TMIGD1: variants seen among roughly 807,000 people sequenced by gnomAD.
TMIGD1 encodes the protein transmembrane and immunoglobulin domain-containing protein 1.
TMIGD1 carries 29 observed loss-of-function variants against 27.5 expected under a neutral mutation model. The observed-to-expected ratio is 1.05, with a 90% CI of 0.78 to 1.44. TMIGD1 has a LOEUF of 1.44. Ranked by LOEUF, TMIGD1 falls within the 40% of genes most tolerant of loss-of-function variation. The pLI is 0.00. For synonymous variants in TMIGD1, 109 were observed against 110.3 expected (o/e 0.99, Z 0.07); for missense variants, 334 against 310.6 (o/e 1.08, Z -0.57).
At chr17:30,325,245 C>T in intron 3 of TMIGD1, 151 bp from the exon 4 acceptor site, 2 of 746,926 alleles carry the variant, frequency 2.7e-6, no homozygotes, top group Non-Finnish European at 2.1e-6. Context: ...ACTGGGGTAA[C>T]AAGGGCAAAT....
chr17:30,320,163 G>A (rs567776964), intron 4 of TMIGD1, among the ~76,000 whole-genome samples: 5 of 151,624 alleles, frequency 3.3e-5, no homozygotes, highest in South Asian at 2.1e-4. Flanking sequence ...TCAGCCTCCC[G>A]AGTAGCTGCA....
At chr17:30,319,037 A>C in intron 4 of TMIGD1, 124 bp from the exon 5 acceptor site, 1 of 705,946 alleles carries the variant, frequency 1.4e-6, no homozygotes, top group Non-Finnish European at 2.5e-6. Context: ...ACAATCTCAA[A>C]AAGTAGGTAT....
intron 4 of TMIGD1, among the ~76,000 whole-genome samples, chr17:30,321,438 G>C (rs1909618317): frequency 6.6e-6 from 1 of 152,194 alleles, no homozygotes; most frequent in African/African-American, 2.4e-5. Flanking sequence ...AACATTTTAG[G>C]CATTTAAAGG....
intron 2 of TMIGD1, among the ~76,000 whole-genome samples, chr17:30,331,616 G>A (rs1909980216): frequency 7.5e-6 from 1 of 134,190 alleles, no homozygotes; most frequent in South Asian, 2.3e-4. Flanking sequence ...ACGGAGTCTC[G>A]CCCTGTCGCC....
chr17:30,319,255 A>G lies in TMIGD1; in HGVS notation c.641-342T>C, dbSNP rs1567847766. Among the ~76,000 whole-genome samples the G allele has an allele frequency of 3.6e-5, 2 of 55,820 alleles. 1 individual carries two copies. The highest frequency in any genetic ancestry group is 3.5e-4 in the African/African-American group (2 of 5,786). 36.6% of individuals were successfully genotyped at this position (55,820 alleles called of 152,430 possible). ...CCCATCTGTAAAAAAAAAAGAAAAAAAAAAAAATATATATATATATATAGC... is the reference window on the plus strand; with the variant it reads ...CCCATCTGTAAAAAAAAAAGAAAAAGAAAAAAATATATATATATATATAGC... On this transcript the variant is annotated intron_variant, in intron 4 of 6. Coordinates refer to ENST00000328886, the MANE Select transcript of TMIGD1 (RefSeq NM_206832.3).
chr17:30,320,726 G>C (rs1909591229), intron 4 of TMIGD1, among the ~76,000 whole-genome samples: 1 of 152,178 alleles, frequency 6.6e-6, no homozygotes, highest in South Asian at 2.1e-4. Context: ...AGGCAGCGTG[G>C]CATATCCGTA....
chr17:30,318,804 A>T lies in TMIGD1; in HGVS notation c.744+6T>A, dbSNP rs1180108519. ...TTTACTTAAATAGCTCAGAATACTT[A>T]GATACCTTCATTATTTTCTTTCTTC... On this transcript the variant is annotated splice_donor_region_variant and intron_variant, in intron 5 of 6. Coordinates refer to ENST00000328886, the MANE Select transcript of TMIGD1 (RefSeq NM_206832.3). The T allele has an allele frequency of 1.3e-6, 2 of 1,593,656 alleles. No homozygotes were observed. Among genetic ancestry groups the T allele is most frequent in the Admixed American group, 3.3e-5 (2 of 59,956 alleles).
At chr17:30,325,378 A>G (rs1909743703) in intron 3 of TMIGD1, among the ~76,000 whole-genome samples, 1 of 152,216 alleles carries the variant, frequency 6.6e-6, no homozygotes, top group East Asian at 1.9e-4. Flanking sequence ...ACAATTTGTA[A>G]CACTACCCAA....
chr17:30,318,703 T>G (rs573786402), intron 5 of TMIGD1, 107 bp downstream of exon 5: 2 of 713,126 alleles, frequency 2.8e-6, no homozygotes, highest in Non-Finnish European at 4.8e-6. Flanking sequence ...AAGACCAGAT[T>G]TGACTTTGCC....
intron 3 of TMIGD1, among the ~76,000 whole-genome samples, chr17:30,327,234 T>G (rs1383813138): frequency 6.6e-6 from 1 of 152,134 alleles, no homozygotes; most frequent in Non-Finnish European, 1.5e-5. Context: ...CTGGGCAACA[T>G]AGCAAAACCC....
Position 30,329,516 on chromosome 17 carries a change from A to G in TMIGD1, c.96T>C (p.Thr32=), listed in dbSNP as rs781187310. 1 of 1,609,946 alleles carries G rather than the reference A, an allele frequency of 6.2e-7. No homozygotes were observed. Among genetic ancestry groups the G allele is most frequent in the Non-Finnish European group, 8.5e-7 (1 of 1,176,576 alleles). The change falls in exon 3 of 7, where the codon ACT becomes ACC. Residue 32 remains threonine (T), a synonymous_variant. Transcript: ENST00000328886. The part of the protein sequence containing the change: ...LPREMTSSVL[T]VNGKTENYIL... ...TATAGTTCTCAGTTTTACCATTCAC[A>G]GTTAAAACAGAACCTGGGAGTATAG... is the stretch of plus-strand genomic sequence containing the variant.
At chr17:30,323,869 G>A (rs888301582) in intron 4 of TMIGD1, among the ~76,000 whole-genome samples, 1 of 152,156 alleles carries the variant, frequency 6.6e-6, no homozygotes. Context: ...TCCGCAGGAC[G>A]AATTACTGAT....
At chr17:30,319,275 T>TATATATATAC (rs1909539595) in intron 4 of TMIGD1, among the ~76,000 whole-genome samples, 1 of 76,528 alleles carries the variant, frequency 1.3e-5, no homozygotes, top group African/African-American at 5.6e-5. Context: ...TATATATATA[T>TATATATATAC]ATAGCTGGGC....
At chr17:30,319,261 A>AAAAAAAAAAAAAAAATATATAT in intron 4 of TMIGD1, among the ~76,000 whole-genome samples, 5 of 69,040 alleles carry the variant, frequency 7.2e-5, no homozygotes, top group African/African-American at 4.5e-4. Context: ...AAAAAAAAAA[A>AAAAAAAAAAAAAAAATATATAT]ATATATATAT....
chr17:30,317,082 A>C (rs1909437948), intron 6 of TMIGD1, 111 bp downstream of exon 6: 1 of 1,269,218 alleles, frequency 7.9e-7, no homozygotes, highest in Admixed American at 1.7e-5. Flanking sequence ...TCTCCTTTGA[A>C]CCCCTTCCCC....
rs372316418 is a variant in TMIGD1 at position 30,316,633 on chromosome 17, T to C, written c.*54A>G. 4.2e-5 allele frequency: 67 copies of C among 1,593,782 alleles called. No homozygotes were observed. The highest frequency in any genetic ancestry group is 5.2e-5 in the Non-Finnish European group (61 of 1,164,468). On this transcript the variant is annotated 3_prime_UTR_variant, in exon 7 of 7. Transcript: ENST00000328886. Reference sequence around the variant, plus strand: ...ATAAATACAGATGGGACTACATAAATTGTGGAGGTCCTGATGCAAAACTCT... The same window carrying C: ...ATAAATACAGATGGGACTACATAAACTGTGGAGGTCCTGATGCAAAACTCT...
At chr17:30,319,410 G>A (rs2143136187) in intron 4 of TMIGD1, among the ~76,000 whole-genome samples, 1 of 124,832 alleles carries the variant, frequency 8.0e-6, no homozygotes. Context: ...GGGTGACAGA[G>A]CAAGACTCTC....
At chr17:30,321,453 T>C (rs1477913279) in intron 4 of TMIGD1, among the ~76,000 whole-genome samples, 1 of 152,208 alleles carries the variant, frequency 6.6e-6, no homozygotes, top group Non-Finnish European at 1.5e-5. Context: ...TAAAGGAAAT[T>C]GAGCATGTGC....
Position 30,317,236 on chromosome 17 carries a change from A to G in TMIGD1, c.745-3T>C, listed in dbSNP as rs201495533. ...GGGTCTTTATCCTTCATGCAGAGCT[A>G]AAAGCAAACATGGCAGTAAATTAGC... is the stretch of plus-strand genomic sequence containing the variant. On this transcript the variant is annotated splice_polypyrimidine_tract_variant and splice_region_variant and intron_variant, in intron 5 of 6. Transcript: ENST00000328886. 4.1e-5 allele frequency: 66 copies of G among 1,613,932 alleles called. No homozygotes were observed. Among genetic ancestry groups the G allele is most frequent in the Non-Finnish European group, 5.3e-5 (62 of 1,179,950 alleles).
Sources: gnomAD v4.1 joint callset for allele counts (sites outside exome capture counted in the v4.1 genomes callset) on GRCh38, gnomAD v4.1.1 for gene constraint, MANE v1.5 for transcripts, NCBI Gene and HGNC (gene_info 2026-07-23, HGNC 2026-07-21) for gene names.